Variants in LRRC41 observed in about 807,000 individuals in gnomAD.
The protein encoded by LRRC41 is leucine rich repeat containing 41, also known as leucine-rich repeat-containing protein 41.
LRRC41 carries 17 observed loss-of-function variants against 72.1 expected under a neutral mutation model. The ratio of observed to expected loss-of-function variants is 0.24; its 90% confidence interval spans 0.16 to 0.35. The LOEUF (loss-of-function observed/expected upper bound fraction) is 0.35, where lower values mean the gene tolerates loss of function less well. Ranked by LOEUF, LRRC41 falls within the 10% of genes least tolerant of loss-of-function variation. The probability of loss-of-function intolerance (pLI) is 1.00; values close to 1 mark genes in which losing one functional copy is unlikely to be tolerated. For synonymous variants in LRRC41, 427 were observed against 431.0 expected, an observed-to-expected ratio of 0.99 and a Z score of 0.11; for missense variants, 759 against 1,065.0, an observed-to-expected ratio of 0.71 and a Z score of 4.00.
chr1:46,280,136 T>C (rs191140082), intron 7 of LRRC41, 56 bp downstream of exon 7: 2 of 1,340,874 alleles, frequency 1.5e-6, no homozygotes, highest in East Asian at 4.6e-5. Flanking sequence ...ACTCAGATTA[T>C]GGCAGAACCA....
Position 46,286,484 on chromosome 1 carries a change from G to A in LRRC41, c.373C>T (p.Arg125Ter). ...PSSLESVTCWRAKFMEAFFSH... is the reference protein window; with the variant it reads ...PSSLESVTCW ...AAAAAGGCCTCCATAAACTTGGCTC[G>A]CCAACATGTCACACTCTGAAACGCA... The change falls in exon 4 of 10, where the codon CGA (arginine) becomes TGA (stop). Residue 125 changes from arginine (R) to a stop codon, truncating the protein, a stop_gained. Transcript: ENST00000617190. LOFTEE classifies it high-confidence loss of function. This position sits in a 1 kb window ranked among gnomAD's most constrained non-coding sequence, Gnocchi z 5.5. The A allele has an allele frequency of 6.3e-7, 1 of 1,599,112 alleles. No individual in the cohort carries two copies.
rs773170989 is a variant in LRRC41, at chr1:46,279,271, G to A, written c.2144-14C>T. On this transcript the variant is annotated splice_polypyrimidine_tract_variant and intron_variant, in intron 8 of 9. Transcript: ENST00000617190. The surrounding 1 kb of genome is among the most constrained non-coding windows in gnomAD (Gnocchi z 4.5). ...GGCCAGCATTCCCTGGAGAGAAGGG[G>A]AGAACGCCTATCACCTCCACCCAAG... 1.2e-6 allele frequency: 2 copies of A among 1,613,652 alleles called. No homozygotes were observed. The highest frequency in any genetic ancestry group is 1.7e-5 in the Admixed American group (1 of 59,978).
chr1:46,302,005 G>A lies in LRRC41; in HGVS notation c.199+1119C>T, dbSNP rs192658506. On this transcript the variant is annotated intron_variant, in intron 1 of 9. Transcript: ENST00000617190. This position sits in a 1 kb window ranked among gnomAD's most constrained non-coding sequence, Gnocchi z 4.7. ...CTTTCCCCTCTTTCACTTGCCCCAC[G>A]TCGGACCCAAGTTTCCCTCGTCAGC... 4.1e-6 allele frequency: 4 copies of A among 985,268 alleles called. No individual in the cohort carries two copies. The highest frequency in any genetic ancestry group is 4.8e-6 in the Non-Finnish European group (4 of 829,880). 61.0% of individuals were successfully genotyped at this position (985,268 alleles called of 1,614,324 possible). A position where few individuals can be genotyped will look rare whatever the true frequency, so the allele number is the denominator to read the frequency against.
chr1:46,298,446 T>G (rs535574956), intron 1 of LRRC41, 76 bp from the exon 2 acceptor site: 1 of 869,374 alleles, frequency 1.2e-6, no homozygotes, highest in African/African-American at 1.7e-5. Flanking sequence ...CATTATTTAT[T>G]CTACTGGAAA....
chr1:46,302,474 T>C lies in LRRC41; in HGVS notation c.199+650A>G, dbSNP rs1661257992. On this transcript the variant is annotated intron_variant, in intron 1 of 9. Transcript: ENST00000617190. The surrounding 1 kb of genome is among the most constrained non-coding windows in gnomAD (Gnocchi z 4.7). ...GTCAGTTTGGCACCCGAGACCCCGGTTGTCGGTTCGCTCCCGTCAGCCCTG... is the reference window on the plus strand; with the variant it reads ...GTCAGTTTGGCACCCGAGACCCCGGCTGTCGGTTCGCTCCCGTCAGCCCTG... 2 of 985,052 alleles carry C rather than the reference T, an allele frequency of 2.0e-6. No homozygotes were observed. The highest frequency in any genetic ancestry group is 4.7e-5 in the South Asian group (1 of 21,274). The allele number at this position is 985,052 out of a possible 1,614,324, so 61.0% of individuals were successfully genotyped here.
intron 3 of LRRC41, among the ~76,000 whole-genome samples, chr1:46,294,264 C>T (rs147606793): frequency 1.3e-5 from 2 of 151,838 alleles, no homozygotes; most frequent in Non-Finnish European, 2.9e-5. Flanking sequence ...CACAACACCA[C>T]AACAGGATAA....
chr1:46,287,597 T>A (rs559499924), intron 3 of LRRC41, among the ~76,000 whole-genome samples: 138 of 152,338 alleles, frequency 9.1e-4, no homozygotes, highest in African/African-American at 3.2e-3. Context: ...CACATCTTGC[T>A]TATGAGAATG....
At position 46,303,532 on chromosome 1, in the gene LRRC41, G is replaced by A; in HGVS notation, c.-210C>T. On this transcript the variant is annotated 5_prime_UTR_variant, in exon 1 of 10. Transcript: ENST00000617190. ...TTATACTTGGGTGTGGTATGACTAA[G>A]GGGATGTTTCTTAGCAAAGCCTCCT... 1.3e-6 allele frequency: 1 copy of A among 746,854 alleles called. No individual in the cohort carries two copies. The highest frequency in any genetic ancestry group is 2.7e-5 in the East Asian group (1 of 36,980). The allele number at this position is 746,854 out of a possible 1,614,324, so 46.3% of individuals were successfully genotyped here.
intron 5 of LRRC41, among the ~76,000 whole-genome samples, chr1:46,280,792 A>G (rs1037420077): frequency 1.3e-5 from 2 of 152,238 alleles, no homozygotes; most frequent in African/African-American, 4.8e-5. Flanking sequence ...CTACCCAGAC[A>G]CAAGCAAATA....
chr1:46,289,915 G>T (rs1369769142), intron 3 of LRRC41, among the ~76,000 whole-genome samples: 1 of 152,218 alleles, frequency 6.6e-6, no homozygotes, highest in African/African-American at 2.4e-5. Flanking sequence ...CATGATCAAT[G>T]AGGTGAAGTG....
chr1:46,303,567 A>C lies in LRRC41; in HGVS notation c.-245T>G. ...CTTAGCAAAGCCTCCTCGGGTGCAAACATCAGCTACCCCTAACCTCTGCCT... is the reference window on the plus strand; with the variant it reads ...CTTAGCAAAGCCTCCTCGGGTGCAACCATCAGCTACCCCTAACCTCTGCCT... On this transcript the variant is annotated 5_prime_UTR_variant, in exon 1 of 10. Coordinates refer to ENST00000617190, the MANE Select transcript of LRRC41 (RefSeq NM_006369.5). 1.2e-6 allele frequency: 1 copy of C among 833,060 alleles called. No individual in the cohort carries two copies. The highest frequency in any genetic ancestry group is 1.8e-6 in the Non-Finnish European group (1 of 542,496). 51.6% of individuals were successfully genotyped at this position (833,060 alleles called of 1,614,324 possible).
chr1:46,294,790 T>G (rs1052733543), intron 3 of LRRC41, among the ~76,000 whole-genome samples: 1 of 151,918 alleles, frequency 6.6e-6, no homozygotes, highest in East Asian at 1.9e-4. Flanking sequence ...AGACAGGGTT[T>G]CACCATGTTG....
chr1:46,302,679 C>G lies in LRRC41; in HGVS notation c.199+445G>C. 1 of 985,410 alleles carries G rather than the reference C, an allele frequency of 1.0e-6. No homozygotes were observed. The highest frequency in any genetic ancestry group is 1.2e-6 in the Non-Finnish European group (1 of 829,916). The allele number at this position is 985,410 out of a possible 1,614,324, so 61.0% of individuals were successfully genotyped here. On this transcript the variant is annotated intron_variant, in intron 1 of 9. Coordinates refer to ENST00000617190, the MANE Select transcript of LRRC41 (RefSeq NM_006369.5). This position sits in a 1 kb window ranked among gnomAD's most constrained non-coding sequence, Gnocchi z 4.7. ...CGGGGCCATCAGTCAGGTTCGGTGG[C>G]CCCGGGCCTGGCCTGGCCTTGCCTT...
In LRRC41 at chr1:46,280,504, G is replaced by A. The variant is rs1393418392; in HGVS notation, c.1813C>T (p.Leu605=). The stretch of plus-strand genomic sequence containing the variant: ...GAGGCCTTCAGAACGGAGCACAGCA[G>A]TGGGGCTGGCTGGGCTCCCCGTGGA... ...GFPRGAQPAP[L]LCSVLKASGS... Residue 605 remains leucine (L), a synonymous_variant, in exon 6 of 10, where the codon CTG becomes TTG. Coordinates refer to ENST00000617190, the MANE Select transcript of LRRC41 (RefSeq NM_006369.5). 2.5e-6 allele frequency: 4 copies of A among 1,614,104 alleles called. No individual in the cohort carries two copies. The highest frequency in any genetic ancestry group is 3.4e-6 in the Non-Finnish European group (4 of 1,180,048).
intron 3 of LRRC41, chr1:46,297,004 C>T (rs1171010309): frequency 6.6e-6 from 1 of 152,230 alleles, no homozygotes; most frequent in Admixed American, 6.5e-5. Flanking sequence ...TGACTTTCTC[C>T]AATCTCCACG....
chr1:46,279,737 G>T lies in LRRC41; in HGVS notation c.2021-123C>A. Reference sequence around the variant, plus strand: ...GAGGCCCAAAAAGAGGAAGGAATTTGTCTAGACTCCAAGCAAGGCTGGAAC... The same window carrying T: ...GAGGCCCAAAAAGAGGAAGGAATTTTTCTAGACTCCAAGCAAGGCTGGAAC... On this transcript the variant is annotated intron_variant, in intron 7 of 9. Coordinates refer to ENST00000617190, the MANE Select transcript of LRRC41 (RefSeq NM_006369.5). This position sits in a 1 kb window ranked among gnomAD's most constrained non-coding sequence, Gnocchi z 4.5. The T allele has an allele frequency of 8.8e-7, 1 of 1,141,456 alleles. No homozygotes were observed. Among genetic ancestry groups the T allele is most frequent in the Non-Finnish European group, 1.3e-6 (1 of 789,494 alleles). The allele number at this position is 1,141,456 out of a possible 1,614,324, so 70.7% of individuals were successfully genotyped here. A position where few individuals can be genotyped will look rare whatever the true frequency, so the allele number is the denominator to read the frequency against.
intron 3 of LRRC41, among the ~76,000 whole-genome samples, chr1:46,287,131 C>T (rs964936036): frequency 4.6e-5 from 7 of 150,630 alleles, no homozygotes; most frequent in Admixed American, 2.0e-4. Flanking sequence ...TTTTTTTAGA[C>T]GGAGTCTCAC....
intron 3 of LRRC41, among the ~76,000 whole-genome samples, chr1:46,295,185 G>A (rs779112535): frequency 2.6e-5 from 4 of 152,008 alleles, no homozygotes; most frequent in East Asian, 1.9e-4. Flanking sequence ...TTGGTCTCCC[G>A]AGTATCTGGG....
chr1:46,281,653 C>T (rs1219140727), intron 4 of LRRC41, among the ~76,000 whole-genome samples: 1 of 152,210 alleles, frequency 6.6e-6, no homozygotes, highest in Non-Finnish European at 1.5e-5. Flanking sequence ...TATGGTGAGG[C>T]AGCATGTGGC....
Sources: gnomAD v4.1 joint callset for allele counts (sites outside exome capture counted in the v4.1 genomes callset) on GRCh38, gnomAD v4.1.1 for gene constraint, Gnocchi (gnomAD v3.1) non-coding constraint, MANE v1.5 for transcripts, NCBI Gene and HGNC (gene_info 2026-07-23, HGNC 2026-07-21) for gene names.